Variants in RASA1 observed in about 807,000 individuals in gnomAD.
RASA1 encodes the protein RAS p21 protein activator 1, also known as ras GTPase-activating protein 1.
RASA1 carries 25 observed loss-of-function variants against 132.2 expected under a neutral mutation model. The observed-to-expected ratio is 0.19, with a 90% confidence interval of 0.14 to 0.26. The LOEUF is 0.26. RASA1 is among the 10% of genes least tolerant of loss of function. The probability of loss-of-function intolerance (pLI) is 1.00; values close to 1 mark genes in which losing one functional copy is unlikely to be tolerated. For missense variants in RASA1, 964 were observed against 1,299.2 expected (o/e 0.74, Z 3.97); for synonymous variants, 477 against 449.9 (o/e 1.06, Z -0.76).
rs566820811 is a variant in RASA1 at position 87,322,819 on chromosome 5, A to G, written c.540-8529A>G. Among the ~76,000 whole-genome samples the G allele has an allele frequency of 1.0e-3, 159 of 152,364 alleles. 1 individual carries two copies. The highest frequency in any genetic ancestry group is 3.7e-3 in the African/African-American group (152 of 41,592). On this transcript the variant is annotated intron_variant, in intron 1 of 24. Coordinates refer to ENST00000274376, the MANE Select transcript of RASA1 (RefSeq NM_002890.3). ...TATATAAACACAACCACATACATAA[A>G]TAAAATAACACCACAAGAAGGAATC...
chr5:87,338,535 AAT>A lies in RASA1; in HGVS notation c.1017+445_1017+446del, dbSNP rs1758179039. ...TATATATATATATATATATATATAAAATTTTTTTTTTTTTTAAGTAGAAATGG... is the reference window on the plus strand; with the variant it reads ...TATATATATATATATATATATATAAATTTTTTTTTTTTTAAGTAGAAATGG... On this transcript the variant is annotated intron_variant, in intron 5 of 24. Coordinates refer to ENST00000274376, the MANE Select transcript of RASA1 (RefSeq NM_002890.3). Among the ~76,000 whole-genome samples, 93 of 95,886 alleles carry A rather than the reference AAT, an allele frequency of 9.7e-4. 1 individual carries two copies. The highest frequency in any genetic ancestry group is 4.7e-3 in the East Asian group (11 of 2,346). 62.9% of individuals were successfully genotyped at this position (95,886 alleles called of 152,430 possible).
At position 87,385,242 on chromosome 5, in the gene RASA1, G is replaced by T. The variant is rs1374162884; in HGVS notation, c.2759-59G>T. ...AATATTAAAGTGCTAAATTTATAAT[G>T]GTTTAGCTGGAAGTGCTGTTGGACT... On this transcript the variant is annotated intron_variant, in intron 21 of 24. Coordinates refer to ENST00000274376, the MANE Select transcript of RASA1 (RefSeq NM_002890.3). 2.8e-6 allele frequency: 3 copies of T among 1,054,708 alleles called. No homozygotes were observed. In the African/African-American group the frequency reaches 4.7e-5, roughly 17 times the overall value. The allele number at this position is 1,054,708 out of a possible 1,614,324, so 65.3% of individuals were successfully genotyped here.
chr5:87,359,245 T>A (rs1188738837), intron 9 of RASA1, among the ~76,000 whole-genome samples: 1 of 152,158 alleles, frequency 6.6e-6, no homozygotes, highest in Non-Finnish European at 1.5e-5. Flanking sequence ...CTTACACATG[T>A]AACTTCTAGG....
intron 1 of RASA1, among the ~76,000 whole-genome samples, chr5:87,295,703 G>A (rs1428013854): frequency 6.6e-6 from 1 of 151,802 alleles, no homozygotes; most frequent in African/African-American, 2.4e-5. Context: ...GTAGAGATAG[G>A]GTTTTGCCAT....
chr5:87,344,678 ATTTTTT>A (rs113174684), intron 6 of RASA1, among the ~76,000 whole-genome samples: 12 of 131,216 alleles, frequency 9.1e-5, no homozygotes, highest in African/African-American at 1.4e-4. Flanking sequence ...AAATGTTGTA[ATTTTTT>A]TTTTTTTTTT....
chr5:87,295,117 C>T (rs1005838644), intron 1 of RASA1, among the ~76,000 whole-genome samples: 2 of 152,146 alleles, frequency 1.3e-5, no homozygotes, highest in African/African-American at 4.8e-5. Flanking sequence ...GGTAACTTTC[C>T]ATGCTCTGAA....
intron 20 of RASA1, among the ~76,000 whole-genome samples, chr5:87,381,525 T>C (rs543343124): frequency 3.4e-4 from 51 of 152,198 alleles, no homozygotes; most frequent in South Asian, 4.1e-4. Flanking sequence ...ACACAGTTTG[T>C]TTTGAAAATG....
Position 87,385,384 on chromosome 5 carries a change from G to A in RASA1, c.2842G>A (p.Ala948Thr), listed in dbSNP as rs1429601113. Residue 948 changes from alanine to threonine, a missense_variant, in exon 22 of 25, where the codon GCT becomes ACT. By Grantham distance (58) the Ala-to-Thr change is moderately conservative. Coordinates refer to ENST00000274376, the MANE Select transcript of RASA1 (RefSeq NM_002890.3). ...QNLANLVEFG[A>T]KEPYMEGVNP... ...CTTAGCAAATCTTGTGGAATTTGGA[G>A]CTAAGGTAAAAACATTTTGATACTT... 6.3e-7 allele frequency: 1 copy of A among 1,596,780 alleles called. No homozygotes were observed. Among genetic ancestry groups the A allele is most frequent in the African/African-American group, 1.3e-5 (1 of 74,468 alleles).
At chr5:87,304,798 T>C (rs991736501) in intron 1 of RASA1, among the ~76,000 whole-genome samples, 1 of 152,178 alleles carries the variant, frequency 6.6e-6, no homozygotes, top group Admixed American at 6.5e-5. Context: ...CATTAGATAT[T>C]ACTGCTTTGT....
At chr5:87,360,383 TA>T (rs1291401935) in intron 9 of RASA1, among the ~76,000 whole-genome samples, 1 of 152,168 alleles carries the variant, frequency 6.6e-6, no homozygotes, top group Non-Finnish European at 1.5e-5. Context: ...CTCGGCCTCC[TA>T]AAGTACTGGG....
intron 5 of RASA1, among the ~76,000 whole-genome samples, chr5:87,339,591 CT>C (rs1332574229): frequency 6.6e-6 from 1 of 151,910 alleles, no homozygotes; most frequent in African/African-American, 2.4e-5. Context: ...ACAAGATAAC[CT>C]TTAAAGAAAA....
intron 22 of RASA1, among the ~76,000 whole-genome samples, 171 bp downstream of exon 22, chr5:87,385,560 T>A (rs1190596918): frequency 6.6e-6 from 1 of 152,114 alleles, no homozygotes; most frequent in Admixed American, 6.5e-5. Context: ...TACATTTTAA[T>A]AGTGGAACTT....
intron 1 of RASA1, among the ~76,000 whole-genome samples, chr5:87,287,114 C>A (rs1288785529): frequency 1.4e-5 from 2 of 139,426 alleles, no homozygotes; most frequent in African/African-American, 5.4e-5. Context: ...TATATACACA[C>A]CATATATATA....
chr5:87,338,313 A>G (rs968247253), intron 5 of RASA1, among the ~76,000 whole-genome samples: 7 of 151,426 alleles, frequency 4.6e-5, no homozygotes, highest in South Asian at 2.1e-4. Context: ...ATGATTTTCT[A>G]TGAATTAAAA....
chr5:87,379,551 C>A (rs1170405140), intron 18 of RASA1, among the ~76,000 whole-genome samples, 184 bp from the exon 19 acceptor site: 1 of 152,016 alleles, frequency 6.6e-6, no homozygotes, highest in Non-Finnish European at 1.5e-5. Flanking sequence ...GGTAACAGAC[C>A]TACCAGGAGG....
chr5:87,333,260 T>C lies in RASA1; in HGVS notation c.829-7T>C, dbSNP rs750149451. The C allele has an allele frequency of 4.3e-6, 7 of 1,612,410 alleles. No individual in the cohort carries two copies. The highest frequency in any genetic ancestry group is 1.7e-4 in the Middle Eastern group (1 of 6,036). On this transcript the variant is annotated splice_polypyrimidine_tract_variant and splice_region_variant and intron_variant, in intron 3 of 24. Transcript: ENST00000274376. ...TTTTTAAATCTTTTTTTTTTTATGG[T>C]TTCTAGCCAGTAGAAGATAGAAGGC... is the stretch of plus-strand genomic sequence containing the variant.
chr5:87,321,773 T>G (rs1756829925), intron 1 of RASA1, among the ~76,000 whole-genome samples: 1 of 152,182 alleles, frequency 6.6e-6, no homozygotes, highest in Admixed American at 6.5e-5. Flanking sequence ...AGGCCAGTCC[T>G]TTTGGTTTTT....
rs543453315 is a variant in RASA1 at position 87,301,366 on chromosome 5, T to G, written c.540-29982T>G. On this transcript the variant is annotated intron_variant, in intron 1 of 24. Coordinates refer to ENST00000274376, the MANE Select transcript of RASA1 (RefSeq NM_002890.3). ...ACTTTTTCTTGAAGTATAACACATA[T>G]AAAGCATAGTATCTTCAGTGTTCAG... 6.7e-4 allele frequency among the ~76,000 whole-genome samples: 102 copies of G among 152,262 alleles called. 1 individual carries two copies. The highest frequency in any genetic ancestry group is 2.3e-3 in the African/African-American group (97 of 41,534).
intron 1 of RASA1, among the ~76,000 whole-genome samples, chr5:87,300,242 G>C (rs1356885861): frequency 2.0e-5 from 3 of 152,106 alleles, no homozygotes; most frequent in African/African-American, 4.8e-5. Flanking sequence ...AGGGCATGGT[G>C]GTAGCACACT....
Sources: allele counts gnomAD v4.1 joint callset (sites outside exome capture counted in the v4.1 genomes callset), GRCh38; gene constraint gnomAD v4.1.1; transcripts MANE v1.5; gene names NCBI Gene and HGNC (gene_info 2026-07-23, HGNC 2026-07-21).